The following STAG1 variants were observed in gnomAD, a reference collection of about 807,000 sequenced individuals.
STAG1 encodes cohesin subunit SA-1.
In STAG1, 26 loss-of-function variants were observed where a neutral mutation model predicts 170.9. The observed-to-expected ratio is 0.15, with a 90% confidence interval of 0.11 to 0.21. The LOEUF (loss-of-function observed/expected upper bound fraction) is 0.21, where lower values mean the gene tolerates loss of function less well. Among genes scored for constraint, STAG1 ranks in the 10% least tolerant of loss-of-function variants. The pLI is 1.00. For synonymous variants in STAG1, 514 were observed against 497.7 expected, an observed-to-expected ratio of 1.03 and a Z score of -0.44; for missense variants, 964 against 1,509.5, an observed-to-expected ratio of 0.64 and a Z score of 5.99.
intron 2 of STAG1, among the ~76,000 whole-genome samples, chr3:136,629,341 C>A (rs1424703780): frequency 1.3e-5 from 2 of 151,950 alleles, no homozygotes; most frequent in East Asian, 1.9e-4. Context: ...TTTCTGGAGG[C>A]ATAAGACCTG....
At chr3:136,622,906 T>C (rs925872800) in intron 3 of STAG1, among the ~76,000 whole-genome samples, 10 of 152,220 alleles carry the variant, frequency 6.6e-5, no homozygotes, top group African/African-American at 2.2e-4. Flanking sequence ...ACCTTCTCTA[T>C]GCCTTCACAT....
intron 6 of STAG1, among the ~76,000 whole-genome samples, chr3:136,538,950 C>T (rs1483273990): frequency 4.6e-5 from 7 of 151,924 alleles, no homozygotes; most frequent in African/African-American, 1.2e-4. Context: ...CTGGCTGACA[C>T]GGTGAAACCC....
At position 136,464,766 on chromosome 3, in the gene STAG1, C is replaced by G. The variant is rs188152518; in HGVS notation, c.1313+115G>C. 1.8e-5 allele frequency: 14 copies of G among 774,898 alleles called. No homozygotes were observed. The Admixed American group carries it at 3.0e-4, about 17-fold the overall frequency. 48.0% of individuals were successfully genotyped at this position (774,898 alleles called of 1,614,324 possible). A position where few individuals can be genotyped will look rare whatever the true frequency, so the allele number is the denominator to read the frequency against. ...GAGGCTGTTATAGCCCCTGGAGTATCAGATGGACATTTTCAGCACTGTGTT... is the reference window on the plus strand; with the variant it reads ...GAGGCTGTTATAGCCCCTGGAGTATGAGATGGACATTTTCAGCACTGTGTT... On this transcript the variant is annotated intron_variant, in intron 13 of 33. Transcript: ENST00000383202.
chr3:136,447,395 G>A (rs2088812992), intron 14 of STAG1, among the ~76,000 whole-genome samples: 1 of 151,778 alleles, frequency 6.6e-6, no homozygotes, highest in South Asian at 2.1e-4. Context: ...CTTGATCCCA[G>A]GAGGCGGAGG....
rs1374219897 is a variant in STAG1, at chr3:136,363,409, T to G, written c.2744A>C (p.Asp915Ala). The change falls in exon 26 of 34, where the codon GAT becomes GCT. Residue 915 changes from aspartate to alanine, a missense_variant. Transcript: ENST00000383202. ...KETLSKTRQI[D>A]KIQCAKTLIL... Reference sequence around the variant, plus strand: ...GAGAGTCTTGGCACACTGAATTTTATCAATCTGCCTGGTTTTACTCAGTGT... The same window carrying G: ...GAGAGTCTTGGCACACTGAATTTTAGCAATCTGCCTGGTTTTACTCAGTGT... The G allele has an allele frequency of 6.2e-7, 1 of 1,608,218 alleles. No homozygotes were observed. The highest frequency in any genetic ancestry group is 8.5e-7 in the Non-Finnish European group (1 of 1,175,954).
chr3:136,575,265 C>T (rs1307338594), intron 4 of STAG1, among the ~76,000 whole-genome samples: 4 of 152,144 alleles, frequency 2.6e-5, no homozygotes, highest in African/African-American at 9.7e-5. Context: ...CACTCTTTCA[C>T]CCAGGCTAGG....
intron 14 of STAG1, among the ~76,000 whole-genome samples, chr3:136,449,133 AGAG>A (rs202017864): frequency 0.01 from 1,570 of 152,310 alleles, 28 homozygotes; most frequent in African/African-American, 0.036. Flanking sequence ...TAAAAAGATA[AGAG>A]GAGAGATTTT....
chr3:136,474,419 T>C (rs1159901035), intron 10 of STAG1, among the ~76,000 whole-genome samples: 1 of 152,230 alleles, frequency 6.6e-6, no homozygotes, highest in Non-Finnish European at 1.5e-5. Flanking sequence ...ATCACCCTGA[T>C]ACTCAGGTTT....
intron 9 of STAG1, among the ~76,000 whole-genome samples, chr3:136,491,363 T>C (rs1450478377): frequency 2.0e-5 from 3 of 152,298 alleles, no homozygotes; most frequent in African/African-American, 7.2e-5. Flanking sequence ...GAAAGGTCCG[T>C]CCATATCTTT....
At chr3:136,718,184 A>G (rs1172713216) in intron 1 of STAG1, among the ~76,000 whole-genome samples, 1 of 152,178 alleles carries the variant, frequency 6.6e-6, no homozygotes, top group South Asian at 2.1e-4. Flanking sequence ...ATTATTATGG[A>G]AGGCTTTAGA....
At chr3:136,702,588 G>A (rs938654347) in intron 1 of STAG1, among the ~76,000 whole-genome samples, 2 of 151,972 alleles carry the variant, frequency 1.3e-5, no homozygotes, top group African/African-American at 4.8e-5. Context: ...TTTTCACCAT[G>A]TCGGCCAGGC....
intron 16 of STAG1, among the ~76,000 whole-genome samples, chr3:136,431,990 A>AT (rs2088317254): frequency 6.6e-6 from 1 of 152,042 alleles, no homozygotes; most frequent in Non-Finnish European, 1.5e-5. Context: ...TTCTTCAAAT[A>AT]TTTTTTCTGC....
At chr3:136,511,793 G>A (rs376862583) in intron 7 of STAG1, among the ~76,000 whole-genome samples, 42 of 152,190 alleles carry the variant, frequency 2.8e-4, no homozygotes, top group African/African-American at 8.9e-4. Flanking sequence ...ACCCCTGAAC[G>A]TCAAATAAAA....
intron 5 of STAG1, among the ~76,000 whole-genome samples, chr3:136,556,781 C>A (rs1936641092): frequency 6.6e-6 from 1 of 151,974 alleles, no homozygotes. Context: ...CAGGGTTTTA[C>A]CATGTTGCCC....
At chr3:136,631,129 C>A in intron 1 of STAG1, 148 bp from the exon 2 acceptor site, 1 of 445,102 alleles carries the variant, frequency 2.2e-6, no homozygotes, top group Non-Finnish European at 4.0e-6. Flanking sequence ...ATGTTTATAG[C>A]AGTTTTATTC....
At chr3:136,675,085 C>T (rs557507991) in intron 1 of STAG1, among the ~76,000 whole-genome samples, 1 of 152,268 alleles carries the variant, frequency 6.6e-6, no homozygotes, top group African/African-American at 2.4e-5. Context: ...GATGTCCTTC[C>T]AAAGTGTGAA....
chr3:136,746,989 A>T (rs1424307841), intron 1 of STAG1, among the ~76,000 whole-genome samples: 1 of 150,372 alleles, frequency 6.7e-6, no homozygotes, highest in Admixed American at 6.7e-5. Flanking sequence ...CCAGCTACTC[A>T]GGAGGCTGAG....
At chr3:136,360,813 C>T (rs1240932999) in intron 26 of STAG1, among the ~76,000 whole-genome samples, 3 of 152,050 alleles carry the variant, frequency 2.0e-5, no homozygotes, top group African/African-American at 4.8e-5. Flanking sequence ...GGGCTACAGG[C>T]GCCCGCCACC....
At chr3:136,730,800 T>C (rs1933998915) in intron 1 of STAG1, among the ~76,000 whole-genome samples, 1 of 152,230 alleles carries the variant, frequency 6.6e-6, no homozygotes, top group South Asian at 2.1e-4. Context: ...TTAATCACTC[T>C]TCCCTAGTCA....
Sources: allele counts gnomAD v4.1 joint callset (sites outside exome capture counted in the v4.1 genomes callset), GRCh38; gene constraint gnomAD v4.1.1; transcripts MANE v1.5; gene names NCBI Gene and HGNC (gene_info 2026-07-23, HGNC 2026-07-21).